Variants in MAP2K2 observed in about 807,000 individuals in gnomAD.
MAP2K2 encodes dual specificity mitogen-activated protein kinase kinase 2.
MAP2K2 carries 24 observed loss-of-function variants against 43.7 expected under a neutral mutation model. That is an observed-to-expected ratio of 0.55 (90% CI 0.40 to 0.77). The LOEUF is 0.77. Ranked by LOEUF, MAP2K2 falls within the 30% of genes least tolerant of loss-of-function variation. The pLI is 0.00. For synonymous variants in MAP2K2, 244 were observed against 239.7 expected (o/e 1.02, Z -0.17); for missense variants, 470 against 566.8 (o/e 0.83, Z 1.73).
intron 3 of MAP2K2, chr19:4,103,513 T>TGAGGCTAGAGAGGGCGGGCTGCAG (rs1555697343): frequency 1.3e-5 from 2 of 151,502 alleles, no homozygotes; most frequent in Non-Finnish European, 2.9e-5. Flanking sequence ...AAAGTGGAAC[T>TGAGGCTAGAGAGGGCGGGCTGCAG]GAGGCTAGAG....
At chr19:4,122,020 C>G (rs907608821) in intron 1 of MAP2K2, among the ~76,000 whole-genome samples, 12 of 142,908 alleles carry the variant, frequency 8.4e-5, no homozygotes, top group Non-Finnish European at 3.1e-5. Context: ...CACCTTGGCA[C>G]CCTAGGTGCC....
At chr19:4,093,956 G>A (rs1339129808) in intron 10 of MAP2K2, among the ~76,000 whole-genome samples, 1 of 152,150 alleles carries the variant, frequency 6.6e-6, no homozygotes, top group Non-Finnish European at 1.5e-5. Flanking sequence ...TGTAGTCCCC[G>A]CTGGGGAGGC....
intron 3 of MAP2K2, among the ~76,000 whole-genome samples, chr19:4,104,274 A>AC (rs1342569341): frequency 6.6e-6 from 1 of 151,062 alleles, no homozygotes; most frequent in African/African-American, 2.4e-5. Context: ...TTAAAAAAAA[A>AC]AAAAAAAAAA....
chr19:4,091,287 C>G (rs2040852268), intron 10 of MAP2K2, among the ~76,000 whole-genome samples: 2 of 152,232 alleles, frequency 1.3e-5, no homozygotes, highest in Admixed American at 1.3e-4. Flanking sequence ...GACTGTGGCT[C>G]CCATGGCTTG....
At chr19:4,102,990 C>T (rs571965612) in intron 3 of MAP2K2, 2 of 1,071,964 alleles carry the variant, frequency 1.9e-6, no homozygotes, top group Admixed American at 9.7e-5. Flanking sequence ...TCCAGACCCC[C>T]AGGGGGCTCC....
intron 7 of MAP2K2, among the ~76,000 whole-genome samples, 191 bp from the exon 8 acceptor site, chr19:4,097,534 A>T (rs2040937054): frequency 6.6e-6 from 1 of 151,706 alleles, no homozygotes; most frequent in South Asian, 2.1e-4. Flanking sequence ...TGGGACAGCT[A>T]CTCCTTGCCT....
intron 3 of MAP2K2, among the ~76,000 whole-genome samples, chr19:4,107,265 TGTAATCCCA>T (rs1165816443): frequency 6.6e-6 from 1 of 151,938 alleles, no homozygotes; most frequent in Non-Finnish European, 1.5e-5. Context: ...GGCTCACGCC[TGTAATCCCA>T]GCACTTTTGG....
In MAP2K2 at chr19:4,102,398, A is replaced by G; in HGVS notation, c.506T>C (p.Ile169Thr). 6.2e-7 allele frequency: 1 copy of G among 1,605,060 alleles called. No homozygotes were observed. Among genetic ancestry groups the G allele is most frequent in the Non-Finnish European group, 8.5e-7 (1 of 1,176,820 alleles). The change falls in exon 4 of 11, where the codon ATC (isoleucine) becomes ACC (threonine). Residue 169 changes from isoleucine (I) to threonine (T), a missense_variant. Physicochemically the swap from Ile to Thr is moderately conservative, Grantham distance 89. Coordinates refer to ENST00000262948, the MANE Select transcript of MAP2K2 (RefSeq NM_030662.4). ...LKEAKRIPEE[I>T]LGKVSIAVLR... ...CACCGCGATGCTGACTTTCCCCAGGATCTCCTCGGGAATCCTCTTGGCCTC... is the reference window on the plus strand; with the variant it reads ...CACCGCGATGCTGACTTTCCCCAGGGTCTCCTCGGGAATCCTCTTGGCCTC...
At chr19:4,102,572 G>T (rs1365040724) in intron 3 of MAP2K2, 119 bp from the exon 4 acceptor site, 2 of 949,362 alleles carry the variant, frequency 2.1e-6, no homozygotes, top group East Asian at 2.6e-5. Flanking sequence ...AGGGGCCGGA[G>T]CCCAACTCCA....
In MAP2K2 at chr19:4,123,813, G is replaced by A. The variant is rs2145089818; in HGVS notation, c.63C>T (p.Gly21=). 4.5e-6 allele frequency: 7 copies of A among 1,566,270 alleles called. No individual in the cohort carries two copies. Among genetic ancestry groups the A allele is most frequent in the Non-Finnish European group, 6.0e-6 (7 of 1,161,176 alleles). The change falls in exon 1 of 11, where the codon GGC becomes GGT. Residue 21 remains glycine (G), a synonymous_variant. Transcript: ENST00000262948. ...ALTINPTIAE[G]PSPTSEGASE... is the part of the protein sequence containing the mutation. The stretch of plus-strand genomic sequence containing the variant: ...AGGCGCCCTCGCTGGTAGGGGATGG[G>A]CCCTCGGCGATGGTAGGGTTGATGG...
intron 10 of MAP2K2, 99 bp from the exon 11 acceptor site, chr19:4,090,807 A>C: frequency 1.2e-6 from 1 of 819,312 alleles, no homozygotes; most frequent in Non-Finnish European, 2.1e-6. Flanking sequence ...ACGGGACAGA[A>C]AGCAAAAAAC....
At chr19:4,099,476 G>A (rs2145050832) in intron 6 of MAP2K2, 62 bp from the exon 7 acceptor site, 3 of 1,374,978 alleles carry the variant, frequency 2.2e-6, no homozygotes, top group Non-Finnish European at 3.0e-6. Flanking sequence ...GAACCCGGGA[G>A]GCTTGCCCCG....
chr19:4,093,768 C>T (rs998378945), intron 10 of MAP2K2, among the ~76,000 whole-genome samples: 3 of 152,188 alleles, frequency 2.0e-5, no homozygotes, highest in Non-Finnish European at 2.9e-5. Context: ...GCTGGCATCT[C>T]TTCTTTTCTT....
Position 4,100,913 on chromosome 19 carries a change from G to A in MAP2K2, c.705+106C>T, listed in dbSNP as rs1203342017. On this transcript the variant is annotated intron_variant, in intron 6 of 10. Coordinates refer to ENST00000262948, the MANE Select transcript of MAP2K2 (RefSeq NM_030662.4). Reference sequence around the variant, plus strand: ...GGAGGGACAGCTGCGCAGGAGACATGGGGGTGAGAGCTGAGGGGGAGAGCT... The same window carrying A: ...GGAGGGACAGCTGCGCAGGAGACATAGGGGTGAGAGCTGAGGGGGAGAGCT... 5 of 1,300,428 alleles carry A rather than the reference G, an allele frequency of 3.8e-6. No individual in the cohort carries two copies. The African/African-American group carries it at 5.9e-5, about 15-fold the overall frequency. The allele number at this position is 1,300,428 out of a possible 1,614,324, so 80.6% of individuals were successfully genotyped here.
At chr19:4,112,181 C>G (rs2041163007) in intron 2 of MAP2K2, among the ~76,000 whole-genome samples, 1 of 152,234 alleles carries the variant, frequency 6.6e-6, no homozygotes, top group South Asian at 2.1e-4. Context: ...GAGGCAAAGC[C>G]AGGCCCAGGT....
chr19:4,096,999 C>T (rs2040927378), intron 8 of MAP2K2, among the ~76,000 whole-genome samples: 1 of 148,262 alleles, frequency 6.7e-6, no homozygotes, highest in South Asian at 2.1e-4. Flanking sequence ...GAGATCAAGC[C>T]ACTGCACTAC....
At chr19:4,121,511 C>T (rs2145085877) in intron 1 of MAP2K2, among the ~76,000 whole-genome samples, 1 of 149,228 alleles carries the variant, frequency 6.7e-6, no homozygotes, top group East Asian at 2.0e-4. Flanking sequence ...ATCCTGACCC[C>T]CTCAGAACCC....
rs2145053743 is a variant in MAP2K2 at position 4,101,029 on chromosome 19, G to A, written c.695C>T (p.Ser232Phe). The change falls in exon 6 of 11, where the codon TCC becomes TTC. Residue 232 changes from serine (S) to phenylalanine (F), a missense_variant. By Grantham distance (155) the Ser-to-Phe change is radical (BLOSUM62 -2). This residue lies in a region of MAP2K2 where 200 missense variants were observed against 297.9 expected (regional missense o/e 0.67). Transcript: ENST00000262948. The surrounding 1 kb of genome is among the most constrained non-coding windows in gnomAD (Gnocchi z 6.3). ...CCAGCGGGGACTCACAGCCATGTAG[G>A]AGCGCGTGCCCACGAAGGAGTTGGC... ...SMANSFVGTRSYMAPERLQGT... is the reference protein window; with the variant it reads ...SMANSFVGTRFYMAPERLQGT... 2 of 1,560,782 alleles carry A rather than the reference G, an allele frequency of 1.3e-6. No homozygotes were observed. The highest frequency in any genetic ancestry group is 2.1e-4 in the Middle Eastern group (1 of 4,770).
intron 3 of MAP2K2, chr19:4,103,196 G>T: frequency 1.0e-6 from 1 of 987,984 alleles, no homozygotes; most frequent in Non-Finnish European, 1.2e-6. Context: ...CCACTGTGCC[G>T]GGCATCCTGC....
Sources: allele counts gnomAD v4.1 joint callset (sites outside exome capture counted in the v4.1 genomes callset), GRCh38; gene constraint gnomAD v4.1.1; regional missense constraint gnomAD v4.1.1; non-coding constraint Gnocchi (gnomAD v3.1); transcripts MANE v1.5; gene names NCBI Gene and HGNC (gene_info 2026-07-23, HGNC 2026-07-21).